The following EMID1 variants were observed in gnomAD, a reference collection of about 807,000 sequenced individuals.
EMID1 encodes EMI domain containing 1.
Under a neutral mutation model 60.6 loss-of-function variants are expected in EMID1, and 40 were observed. The ratio of observed to expected loss-of-function variants is 0.66; its 90% CI spans 0.51 to 0.86. The LOEUF (loss-of-function observed/expected upper bound fraction) is 0.86, where lower values mean the gene tolerates loss of function less well. Among genes scored for constraint, EMID1 ranks in the 40% least tolerant of loss-of-function variants. The pLI, the probability that EMID1 is intolerant of heterozygous loss-of-function variation, is 0.00. For synonymous variants in EMID1, 242 were observed against 231.0 expected (o/e 1.05, Z -0.43); for missense variants, 585 against 597.1 (o/e 0.98, Z 0.21).
chr22:29,219,425 C>T (rs1449928608), intron 3 of EMID1, among the ~76,000 whole-genome samples: 1 of 152,144 alleles, frequency 6.6e-6, no homozygotes, highest in African/African-American at 2.4e-5. Context: ...TTCCTCACAG[C>T]CCTTGTCTTC....
At chr22:29,233,969 A>G in intron 10 of EMID1, 168 bp from the exon 11 acceptor site, 2 of 747,762 alleles carry the variant, frequency 2.7e-6, no homozygotes, top group Middle Eastern at 3.8e-4. Context: ...CCAGGATCAG[A>G]TCTTTTAACA....
At chr22:29,238,362 C>A (rs116362089) in intron 12 of EMID1, among the ~76,000 whole-genome samples, 1,595 of 139,370 alleles carry the variant, frequency 0.011, 295 homozygotes, top group African/African-American at 0.045. Context: ...TCAAGGGATC[C>A]TCCCGCCTCC....
intron 5 of EMID1, among the ~76,000 whole-genome samples, chr22:29,228,808 C>T (rs938457609): frequency 2.0e-4 from 30 of 152,234 alleles, no homozygotes; most frequent in African/African-American, 6.3e-4. Context: ...GTTTCCTAAA[C>T]TGGTCCTGAA....
rs369582554 is a variant in EMID1 at position 29,250,285 on chromosome 22, AATCAAGGTTCTCACACACT to A, written c.1120-3917_1120-3899del. ...AATCAATCAATAAAGTCCAAAATATAATCAAGGTTCTCACACACTGCGTTTGGTTGTCACATTTCTTGTC... is the reference window on the plus strand; with the variant it reads ...AATCAATCAATAAAGTCCAAAATATAGCGTTTGGTTGTCACATTTCTTGTC... On this transcript the variant is annotated intron_variant, in intron 13 of 14. Transcript: ENST00000334018. 2.9e-3 allele frequency among the ~76,000 whole-genome samples: 435 copies of A among 152,288 alleles called. 4 individuals carry two copies. Among genetic ancestry groups the A allele is most frequent in the African/African-American group, 8.6e-3 (356 of 41,566 alleles).
chr22:29,235,274 G>A (rs2146321605), intron 12 of EMID1, among the ~76,000 whole-genome samples: 1 of 150,922 alleles, frequency 6.6e-6, no homozygotes, highest in South Asian at 2.1e-4. Context: ...CTTGAACCCA[G>A]GAGGCAGAGG....
At chr22:29,211,968 C>G (rs1047092950) in intron 1 of EMID1, among the ~76,000 whole-genome samples, 1 of 152,242 alleles carries the variant, frequency 6.6e-6, no homozygotes, top group Non-Finnish European at 1.5e-5. Context: ...TCAACCCTAA[C>G]AGGTTCAAAA....
intron 13 of EMID1, among the ~76,000 whole-genome samples, chr22:29,253,779 T>G (rs757104265): frequency 4.6e-5 from 7 of 152,100 alleles, no homozygotes; most frequent in Non-Finnish European, 8.8e-5. Flanking sequence ...GAATGTGAAG[T>G]AAATAAGCAT....
chr22:29,249,593 T>C (rs1325952353), intron 13 of EMID1, among the ~76,000 whole-genome samples: 1 of 64,920 alleles, frequency 1.5e-5, no homozygotes, highest in African/African-American at 3.4e-5. Flanking sequence ...CTTTATTATT[T>C]ATTTATTTAT....
chr22:29,207,794 G>A (rs2039730436), intron 1 of EMID1, among the ~76,000 whole-genome samples: 1 of 152,240 alleles, frequency 6.6e-6, no homozygotes, highest in Non-Finnish European at 1.5e-5. Context: ...TGGCACCTCA[G>A]TCCAGACCAG....
intron 3 of EMID1, among the ~76,000 whole-genome samples, 159 bp downstream of exon 3, chr22:29,215,789 G>T (rs2146150176): frequency 6.6e-6 from 1 of 152,192 alleles, no homozygotes; most frequent in Middle Eastern, 3.4e-3. Flanking sequence ...AGTGCTTGTT[G>T]TCCCCCCTGC....
intron 1 of EMID1, among the ~76,000 whole-genome samples, chr22:29,207,320 G>T (rs542357003): frequency 1.2e-4 from 19 of 152,326 alleles, no homozygotes; most frequent in African/African-American, 4.3e-4. Context: ...GCCTGAGTCG[G>T]CTCCGTTACC....
At position 29,233,201 on chromosome 22, in the gene EMID1, G is replaced by C. The variant is rs2040817421; in HGVS notation, c.824-178G>C. On this transcript the variant is annotated intron_variant, in intron 8 of 14. Transcript: ENST00000334018. The stretch of plus-strand genomic sequence containing the variant: ...TAGAACCCACATCTCCCTGCCTCCT[G>C]GTCTTGCGGGACCAACACTCTCCAC... 18 of 669,010 alleles carry C rather than the reference G, an allele frequency of 2.7e-5. No homozygotes were observed. The South Asian group carries it at 3.2e-4, about 12-fold the overall frequency. 41.4% of individuals were successfully genotyped at this position (669,010 alleles called of 1,614,324 possible). A position where few individuals can be genotyped will look rare whatever the true frequency, so the allele number is the denominator to read the frequency against.
In EMID1 at chr22:29,259,108, C is replaced by T. The variant is rs755370096; in HGVS notation, c.*164C>T. 2.6e-5 allele frequency: 29 copies of T among 1,112,542 alleles called. No individual in the cohort carries two copies. The highest frequency in any genetic ancestry group is 3.2e-5 in the Non-Finnish European group (26 of 802,722). The allele number at this position is 1,112,542 out of a possible 1,614,324, so 68.9% of individuals were successfully genotyped here. A position where few individuals can be genotyped will look rare whatever the true frequency, so the allele number is the denominator to read the frequency against. ...CAGGTCTCAGTCCTGGCACCATGCA[C>T]ATGTCTGAGGCTGAGCAAGGGCTGA... is the stretch of plus-strand genomic sequence containing the variant. On this transcript the variant is annotated 3_prime_UTR_variant, in exon 15 of 15. Coordinates refer to ENST00000334018, the MANE Select transcript of EMID1 (RefSeq NM_133455.4).
At chr22:29,207,053 C>A (rs997389446) in intron 1 of EMID1, among the ~76,000 whole-genome samples, 1 of 152,216 alleles carries the variant, frequency 6.6e-6, no homozygotes, top group Admixed American at 6.5e-5. Flanking sequence ...CCTCTCCAGG[C>A]CTTTTCATCC....
chr22:29,250,462 G>A (rs1290203040), intron 13 of EMID1, among the ~76,000 whole-genome samples: 1 of 152,234 alleles, frequency 6.6e-6, no homozygotes, highest in Non-Finnish European at 1.5e-5. Context: ...CTTGGCAGGG[G>A]CACCTGTGGT....
chr22:29,231,376 G>A (rs1487462594), intron 6 of EMID1: 3 of 819,914 alleles, frequency 3.7e-6, no homozygotes, highest in Non-Finnish European at 6.0e-6. Flanking sequence ...GTCGGGGGGA[G>A]CTGGGAGTGG....
intron 3 of EMID1, among the ~76,000 whole-genome samples, chr22:29,224,561 TA>T (rs2040427958): frequency 6.6e-6 from 1 of 152,186 alleles, no homozygotes; most frequent in African/African-American, 2.4e-5. Context: ...GGTTTTCATT[TA>T]AAACCAGGGC....
At chr22:29,238,667 C>T (rs1355945281) in intron 12 of EMID1, among the ~76,000 whole-genome samples, 1 of 143,388 alleles carries the variant, frequency 7.0e-6, no homozygotes, top group Non-Finnish European at 1.5e-5. Context: ...GATCCGCCCG[C>T]CTCGGCCTCC....
chr22:29,258,772 C>T (rs773771866), intron 14 of EMID1, 45 bp from the exon 15 acceptor site: 3 of 1,609,000 alleles, frequency 1.9e-6, no homozygotes, highest in East Asian at 2.2e-5. Flanking sequence ...GGGCACCTCA[C>T]ATGAACCCCT....
Sources: gnomAD v4.1 joint callset for allele counts (sites outside exome capture counted in the v4.1 genomes callset) on GRCh38, gnomAD v4.1.1 for gene constraint, MANE v1.5 for transcripts, NCBI Gene and HGNC (gene_info 2026-07-23, HGNC 2026-07-21) for gene names.